C5orf34: variants seen among roughly 807,000 people sequenced by gnomAD.
The protein encoded by C5orf34 is uncharacterized protein C5orf34.
Under a neutral mutation model 78.4 loss-of-function variants are expected in C5orf34, and 73 were observed. That is an observed-to-expected ratio of 0.93 (90% CI 0.77 to 1.13). The LOEUF is 1.13. Ranked by LOEUF, C5orf34 falls within the 50% of genes most tolerant of loss-of-function variation. The pLI is 0.00. For missense variants in C5orf34, 730 were observed against 732.7 expected (o/e 1.00, Z 0.04); for synonymous variants, 251 against 246.6 (o/e 1.02, Z -0.17).
chr5:43,513,665 C>T (rs1746367185), intron 1 of C5orf34, among the ~76,000 whole-genome samples: 1 of 152,190 alleles, frequency 6.6e-6, no homozygotes, highest in African/African-American at 2.4e-5. Flanking sequence ...GTTCTTTAAA[C>T]AAGCTCTTTC....
intron 1 of C5orf34, among the ~76,000 whole-genome samples, chr5:43,512,052 G>T (rs1374250226): frequency 6.6e-6 from 1 of 151,586 alleles, no homozygotes; most frequent in African/African-American, 2.4e-5. Context: ...AAAAAGAGTT[G>T]GGTTTCATTC....
chr5:43,494,820 A>G (rs1467418539), intron 6 of C5orf34, among the ~76,000 whole-genome samples: 1 of 152,106 alleles, frequency 6.6e-6, no homozygotes, highest in Non-Finnish European at 1.5e-5. Flanking sequence ...ATTCTGTGAC[A>G]AATTTTTGGT....
At chr5:43,506,521 T>A in intron 3 of C5orf34, 127 bp from the exon 4 acceptor site, 4 of 911,788 alleles carry the variant, frequency 4.4e-6, no homozygotes, top group Middle Eastern at 3.5e-4. Flanking sequence ...CTACAGAGAA[T>A]GAAAAAATGG....
chr5:43,486,719 A>T lies in C5orf34; in HGVS notation c.*196T>A. 3.0e-6 allele frequency: 1 copy of T among 331,328 alleles called. No individual in the cohort carries two copies. Among genetic ancestry groups the T allele is most frequent in the Non-Finnish European group, 5.4e-6 (1 of 183,856 alleles). 20.5% of individuals were successfully genotyped at this position (331,328 alleles called of 1,614,324 possible). On this transcript the variant is annotated 3_prime_UTR_variant, in exon 13 of 13. Transcript: ENST00000306862. ...AAATGTGAAACGTTCAAAACTTCGAAATATTTATTATTAAGATATAAATAC... is the reference window on the plus strand; with the variant it reads ...AAATGTGAAACGTTCAAAACTTCGATATATTTATTATTAAGATATAAATAC...
chr5:43,495,248 A>G, intron 6 of C5orf34: 20 of 1,607,506 alleles, frequency 1.2e-5, no homozygotes, highest in Non-Finnish European at 1.6e-5. Context: ...GCCAGGAACC[A>G]TATCAACAAT....
chr5:43,492,658 T>C (rs991405182), intron 9 of C5orf34, 62 bp downstream of exon 9: 2 of 1,405,216 alleles, frequency 1.4e-6, no homozygotes. Context: ...TACTTTGTTT[T>C]CTTTGTTCTG....
chr5:43,506,759 CA>C (rs1413828817), intron 3 of C5orf34, among the ~76,000 whole-genome samples: 1 of 151,160 alleles, frequency 6.6e-6, no homozygotes, highest in Non-Finnish European at 1.5e-5. Context: ...AAGGGAAGAC[CA>C]ACACTATGAT....
rs967867433 is a variant in C5orf34, at chr5:43,506,935, T to G, written c.286-541A>C. Among the ~76,000 whole-genome samples the G allele has an allele frequency of 3.3e-5, 5 of 152,042 alleles. 1 individual carries two copies. The East Asian group carries it at 9.6e-4, about 29-fold the overall frequency. ...ATCATATCTTAAAATTTACATGAGATAACATAAGTTTTTCAGAGCAAGAGG... is the reference window on the plus strand; with the variant it reads ...ATCATATCTTAAAATTTACATGAGAGAACATAAGTTTTTCAGAGCAAGAGG... On this transcript the variant is annotated intron_variant, in intron 3 of 12. Transcript: ENST00000306862.
chr5:43,498,453 T>C (rs1010298075), intron 6 of C5orf34, among the ~76,000 whole-genome samples: 2 of 152,180 alleles, frequency 1.3e-5, no homozygotes, highest in Non-Finnish European at 2.9e-5. Flanking sequence ...AAATCCTTAA[T>C]TGACATCTCA....
intron 1 of C5orf34, among the ~76,000 whole-genome samples, chr5:43,513,271 A>G (rs1361964488): frequency 2.6e-5 from 4 of 152,146 alleles, no homozygotes; most frequent in Non-Finnish European, 4.4e-5. Context: ...CCTCTCACAG[A>G]GCTTTCAGGT....
At chr5:43,495,199 C>G in intron 6 of C5orf34, 2 of 1,611,420 alleles carry the variant, frequency 1.2e-6, no homozygotes, top group South Asian at 1.1e-5. Context: ...CAAAATGACC[C>G]AAAGGTGGAT....
chr5:43,509,759 T>G (rs1190965711), intron 1 of C5orf34, among the ~76,000 whole-genome samples: 1 of 152,020 alleles, frequency 6.6e-6, no homozygotes, highest in African/African-American at 2.4e-5. Context: ...CTTTTTGTTT[T>G]TTTTGTTTTT....
Position 43,509,380 on chromosome 5 carries a change from A to C in C5orf34, c.-36-5T>G. The C allele has an allele frequency of 6.7e-7, 1 of 1,484,646 alleles. No individual in the cohort carries two copies. The highest frequency in any genetic ancestry group is 9.1e-7 in the Non-Finnish European group (1 of 1,097,128). 92.0% of individuals were successfully genotyped at this position (1,484,646 alleles called of 1,614,324 possible). ...AGATATCTTCTAAGTCAAAGACTGA[A>C]TGAAATAGGAAAAACAACAGCATAA... On this transcript the variant is annotated splice_polypyrimidine_tract_variant and splice_region_variant and intron_variant, in intron 1 of 12. Transcript: ENST00000306862.
At chr5:43,496,544 A>G in intron 6 of C5orf34, 2 of 1,053,710 alleles carry the variant, frequency 1.9e-6, no homozygotes, top group Non-Finnish European at 1.3e-6. Context: ...TTTTTTAAAA[A>G]TATAGAATTA....
At chr5:43,495,295 T>C in intron 6 of C5orf34, 6 of 1,610,080 alleles carry the variant, frequency 3.7e-6, no homozygotes, top group Non-Finnish European at 5.1e-6. Context: ...TAGGGCCATC[T>C]TCCAGCTTTT....
chr5:43,499,908 G>C (rs1242998109), intron 6 of C5orf34, among the ~76,000 whole-genome samples: 1 of 151,828 alleles, frequency 6.6e-6, no homozygotes, highest in Non-Finnish European at 1.5e-5. Flanking sequence ...CTGATTTTTT[G>C]CTGCTACAAA....
intron 2 of C5orf34, 36 bp from the exon 3 acceptor site, chr5:43,508,702 A>G: frequency 1.7e-6 from 2 of 1,197,146 alleles, no homozygotes; most frequent in South Asian, 1.3e-5. Flanking sequence ...CCTTAATGTA[A>G]AATGATTTGA....
At chr5:43,496,135 G>A in intron 6 of C5orf34, 29 of 856,506 alleles carry the variant, frequency 3.4e-5, no homozygotes, top group Non-Finnish European at 5.0e-5. Context: ...CACAGCCTGA[G>A]ATGTCCCTGT....
intron 4 of C5orf34, among the ~76,000 whole-genome samples, chr5:43,504,676 A>G (rs1339960713): frequency 1.3e-5 from 2 of 152,212 alleles, no homozygotes; most frequent in African/African-American, 4.8e-5. Context: ...TAGAGAAAGC[A>G]AGGGCAAGAG....
Sources: gnomAD v4.1 joint callset for allele counts (sites outside exome capture counted in the v4.1 genomes callset) on GRCh38, gnomAD v4.1.1 for gene constraint, MANE v1.5 for transcripts, NCBI Gene and HGNC (gene_info 2026-07-23, HGNC 2026-07-21) for gene names.